The following B9D1 variants were observed in gnomAD, a reference collection of about 807,000 sequenced individuals.
B9D1 encodes B9 domain-containing protein 1.
Under a neutral mutation model 26.1 loss-of-function variants are expected in B9D1, and 20 were observed. The observed-to-expected ratio is 0.77, with a 90% CI of 0.54 to 1.12. B9D1 has a LOEUF of 1.12. Among genes scored for constraint, B9D1 ranks in the 50% most tolerant of loss-of-function variants. B9D1 has a pLI of 0.00. For missense variants in B9D1, 260 were observed against 273.7 expected (o/e 0.95, Z 0.35); for synonymous variants, 105 against 103.1 (o/e 1.02, Z -0.11).
chr17:19,341,973 A>AG (rs1908021007), downstream of B9D1, among the ~76,000 whole-genome samples: 1 of 152,032 alleles, frequency 6.6e-6, no homozygotes, highest in African/African-American at 2.4e-5. Context: ...GCCTGGCCTG[A>AG]GGGAGGGATG....
chr17:19,337,770 A>G, downstream of B9D1: 2 of 1,507,880 alleles, frequency 1.3e-6, no homozygotes, highest in African/African-American at 1.4e-5. Flanking sequence ...AAAATGGACA[A>G]GGGTCAAGCA....
intron 3 of B9D1, among the ~76,000 whole-genome samples, chr17:19,355,989 G>A (rs1910291884): frequency 6.6e-6 from 1 of 152,092 alleles, no homozygotes; most frequent in African/African-American, 2.4e-5. Context: ...TATCATTTAT[G>A]TTGTCTTGGT....
intron 5 of B9D1, among the ~76,000 whole-genome samples, chr17:19,344,873 G>A (rs1286758931): frequency 7.2e-5 from 11 of 152,226 alleles, no homozygotes; most frequent in African/African-American, 2.7e-4. Context: ...GAGCCAGAGA[G>A]TGAAAGCCAG....
intron 3 of B9D1, among the ~76,000 whole-genome samples, chr17:19,355,712 T>C (rs1910259660): frequency 6.6e-6 from 1 of 151,756 alleles, no homozygotes. Flanking sequence ...TGGGTGCCTG[T>C]AGTCCCAGCT....
At chr17:19,337,658 C>A, downstream of B9D1, 1 of 1,498,762 alleles carries the variant, frequency 6.7e-7, no homozygotes, top group Non-Finnish European at 9.0e-7. Flanking sequence ...CGGCTTCCCG[C>A]GGAAGTTTCT....
chr17:19,351,687 T>C (rs1423365836), intron 3 of B9D1, among the ~76,000 whole-genome samples: 1 of 152,208 alleles, frequency 6.6e-6, no homozygotes, highest in African/African-American at 2.4e-5. Context: ...AATTATAGAT[T>C]CAATTTAATA....
chr17:19,349,984 C>T (rs571498244), intron 3 of B9D1, among the ~76,000 whole-genome samples: 3 of 152,176 alleles, frequency 2.0e-5, no homozygotes, highest in Non-Finnish European at 4.4e-5. Flanking sequence ...GGCTGGCGGG[C>T]GCCTGTAGTC....
downstream of B9D1, among the ~76,000 whole-genome samples, chr17:19,341,850 G>A (rs1908002577): frequency 6.6e-6 from 1 of 152,178 alleles, no homozygotes; most frequent in South Asian, 2.1e-4. Context: ...TTCTAAACTG[G>A]GCTGGGAGGA....
At chr17:19,364,208 A>T (rs1483047277), upstream of B9D1, among the ~76,000 whole-genome samples, 1 of 152,208 alleles carries the variant, frequency 6.6e-6, no homozygotes, top group Non-Finnish European at 1.5e-5. This position sits in a 1 kb window ranked among gnomAD's most constrained non-coding sequence, Gnocchi z 4.3. Context: ...CCCACATTCA[A>T]ATAGGACATA....
chr17:19,360,983 CG>C (rs907193143), intron 1 of B9D1, among the ~76,000 whole-genome samples: 1 of 152,172 alleles, frequency 6.6e-6, no homozygotes, highest in African/African-American at 2.4e-5. Context: ...CCCCATTGCT[CG>C]CATGACCACG....
downstream of B9D1, chr17:19,337,880 T>A (rs1362660040): frequency 4.7e-5 from 9 of 190,574 alleles, no homozygotes; most frequent in Admixed American, 4.3e-4. Flanking sequence ...TGGGTGGGGA[T>A]GGGCAAGTGC....
At chr17:19,375,370 C>G (rs768398783) in intron 1 of B9D1, among the ~76,000 whole-genome samples, 1 of 151,904 alleles carries the variant, frequency 6.6e-6, no homozygotes, top group Non-Finnish European at 1.5e-5. Context: ...GCCAATAAAC[C>G]GTGAAAACAT....
At chr17:19,375,975 G>T (rs981627811) in intron 1 of B9D1, among the ~76,000 whole-genome samples, 1 of 152,152 alleles carries the variant, frequency 6.6e-6, no homozygotes, top group Non-Finnish European at 1.5e-5. Flanking sequence ...CCAAAAAGTT[G>T]AAACAACCCA....
intron 5 of B9D1, chr17:19,346,959 T>G (rs1055278759): frequency 6.6e-7 from 1 of 1,505,096 alleles, no homozygotes; most frequent in Non-Finnish European, 8.9e-7. Context: ...ATCCTCTTGT[T>G]TCCCACCTTT....
rs570620846 is a variant in B9D1 at position 19,369,237 on chromosome 17, G to A, written c.-298+8622C>T. Among the ~76,000 whole-genome samples the A allele has an allele frequency of 2.0e-5, 3 of 152,258 alleles. No homozygotes were observed. The East Asian group carries it at 5.8e-4, about 29-fold the overall frequency. ...GAAGGGTTGAGTCATGCACGGATCT[G>A]GGGGTGTGTACGTCCAGGCAAAGAG... On this transcript the variant is annotated intron_variant, in intron 1 of 5. Coordinates refer to the B9D1 transcript ENST00000477478.
intron 1 of B9D1, among the ~76,000 whole-genome samples, chr17:19,373,113 G>A (rs1911969010): frequency 6.6e-6 from 1 of 152,154 alleles, no homozygotes; most frequent in African/African-American, 2.4e-5. Context: ...TGTCCAATGG[G>A]AGGCTACCCT....
At chr17:19,377,288 T>G (rs1912181176) in intron 1 of B9D1, among the ~76,000 whole-genome samples, 1 of 152,154 alleles carries the variant, frequency 6.6e-6, no homozygotes, top group African/African-American at 2.4e-5. Flanking sequence ...CCACTCTACC[T>G]AAAATTAGGT....
chr17:19,354,041 GTAT>G (rs1252782917), intron 3 of B9D1, among the ~76,000 whole-genome samples: 1 of 152,174 alleles, frequency 6.6e-6, no homozygotes. Context: ...AAATAGCTCA[GTAT>G]TTTTATTATC....
chr17:19,369,389 G>T (rs1033130293), intron 1 of B9D1, among the ~76,000 whole-genome samples: 5 of 152,314 alleles, frequency 3.3e-5, no homozygotes, highest in South Asian at 2.1e-4. Flanking sequence ...GATCAGCCAC[G>T]GAAGGAATAT....
Sources: gnomAD v4.1 joint callset for allele counts (sites outside exome capture counted in the v4.1 genomes callset) on GRCh38, gnomAD v4.1.1 for gene constraint, Gnocchi (gnomAD v3.1) non-coding constraint, MANE v1.5 for transcripts, NCBI Gene and HGNC (gene_info 2026-07-23, HGNC 2026-07-21) for gene names.